CASP10: variants seen among roughly 807,000 people sequenced by gnomAD.
The protein encoded by CASP10 is caspase 10.
A neutral mutation model predicts 48.5 loss-of-function variants in CASP10; 41 were observed. The ratio of observed to expected loss-of-function variants is 0.85; its 90% CI spans 0.66 to 1.10. The LOEUF is 1.10. Among genes scored for constraint, CASP10 ranks in the 50% least tolerant of loss-of-function variants. The pLI is 0.00. For missense variants in CASP10, 614 were observed against 614.5 expected (o/e 1.00, Z 0.01); for synonymous variants, 232 against 238.4 (o/e 0.97, Z 0.25).
At chr2:201,200,339 A>G (rs1326843675) in intron 5 of CASP10, 5 of 1,011,460 alleles carry the variant, frequency 4.9e-6, no homozygotes, top group Non-Finnish European at 7.5e-6. Context: ...AGCATTTACT[A>G]TGTTGGTTGT....
chr2:201,193,472 T>C, intron 4 of CASP10: 1 of 321,872 alleles, frequency 3.1e-6, no homozygotes, highest in Middle Eastern at 1.1e-3. Flanking sequence ...CCTTTCAAAA[T>C]GCTGGGATTA....
intron 8 of CASP10, 155 bp downstream of exon 8, chr2:201,208,338 G>A (rs1945277312): frequency 2.0e-6 from 2 of 985,256 alleles, no homozygotes; most frequent in African/African-American, 1.7e-5. Flanking sequence ...GGAGTCATCA[G>A]TCTGCTAAAG....
At chr2:201,191,821 G>A (rs1944622246) in intron 3 of CASP10, among the ~76,000 whole-genome samples, 1 of 152,118 alleles carries the variant, frequency 6.6e-6, no homozygotes, top group African/African-American at 2.4e-5. Context: ...CAGGAAATCC[G>A]TTCTCAGCAC....
chr2:201,224,487 G>A (rs912071952), downstream of CASP10, among the ~76,000 whole-genome samples: 6 of 152,004 alleles, frequency 3.9e-5, no homozygotes, highest in Non-Finnish European at 8.8e-5. Context: ...ATTTTGAGTA[G>A]GTAATATTTT....
chr2:201,187,427 C>T (rs562034628), intron 2 of CASP10, among the ~76,000 whole-genome samples: 1 of 151,710 alleles, frequency 6.6e-6, no homozygotes, highest in South Asian at 2.1e-4. Flanking sequence ...GTGTTTTATG[C>T]CTTTTTTTTT....
intron 5 of CASP10, 98 bp downstream of exon 5, chr2:201,196,046 C>T (rs973388751): frequency 2.4e-5 from 19 of 780,244 alleles, no homozygotes; most frequent in South Asian, 4.3e-5. Flanking sequence ...AGAGAGGCCC[C>T]GGTTTGTACC....
chr2:201,214,181 T>C (rs769887411), intron 9 of CASP10: 6 of 152,252 alleles, frequency 3.9e-5, no homozygotes, highest in Non-Finnish European at 8.8e-5. Flanking sequence ...GTGTAATAAG[T>C]AGGGGGAGGG....
intron 9 of CASP10, among the ~76,000 whole-genome samples, chr2:201,210,481 A>G (rs1945358034): frequency 6.6e-6 from 1 of 152,078 alleles, no homozygotes; most frequent in African/African-American, 2.4e-5. Flanking sequence ...TAGCCCTTGG[A>G]CCTCACATTC....
intron 9 of CASP10, among the ~76,000 whole-genome samples, chr2:201,227,617 C>A (rs2126069656): frequency 6.6e-6 from 1 of 152,186 alleles, no homozygotes; most frequent in Admixed American, 6.5e-5. Context: ...AGTGCAGTGG[C>A]ACGATCTCGG....
intron 1 of CASP10, 141 bp from the exon 2 acceptor site, chr2:201,185,630 C>A (rs41427450): frequency 3.0e-6 from 2 of 674,358 alleles, no homozygotes; most frequent in East Asian, 2.6e-5. Context: ...GTAGCCTCGC[C>A]GTAATTTTTA....
Position 201,218,218 on chromosome 2 carries a change from G to A in CASP10, c.*477G>A, listed in dbSNP as rs1395568271. The A allele has an allele frequency of 2.0e-6, 2 of 1,011,324 alleles. No homozygotes were observed. Among genetic ancestry groups the A allele is most frequent in the Non-Finnish European group, 1.2e-6 (1 of 845,614 alleles). 62.6% of individuals were successfully genotyped at this position (1,011,324 alleles called of 1,614,324 possible). ...TTATAGGCACGAGCCACCACACCTG[G>A]CCAGAAAACTTTCATTATTGAAGAC... On this transcript the variant is annotated 3_prime_UTR_variant, in exon 10 of 10. Transcript: ENST00000286186.
chr2:201,211,655 A>G (rs2126051985), intron 9 of CASP10, among the ~76,000 whole-genome samples: 1 of 152,282 alleles, frequency 6.6e-6, no homozygotes, highest in African/African-American at 2.4e-5. Context: ...TATCTTGGCT[A>G]TTGTAAATAA....
intron 5 of CASP10, among the ~76,000 whole-genome samples, chr2:201,203,099 T>G (rs963668903): frequency 6.6e-6 from 1 of 152,162 alleles, no homozygotes; most frequent in Non-Finnish European, 1.5e-5. Flanking sequence ...CTTGGCATCT[T>G]ACTCCACTAT....
chr2:201,229,372 A>C, exon 10 of CASP10: 1 of 476,980 alleles, frequency 2.1e-6, no homozygotes, highest in Non-Finnish European at 3.8e-6. Flanking sequence ...CCATGGGGAA[A>C]AGTGAATTTC....
rs1945676157 is a variant in CASP10, at chr2:201,219,774, A to G, written c.*2033A>G. 3.1e-6 allele frequency: 3 copies of G among 982,158 alleles called. No individual in the cohort carries two copies. The highest frequency in any genetic ancestry group is 1.8e-5 in the African/African-American group (1 of 55,674). The allele number at this position is 982,158 out of a possible 1,614,324, so 60.8% of individuals were successfully genotyped here. A position where few individuals can be genotyped will look rare whatever the true frequency, so the allele number is the denominator to read the frequency against. ...GTTAATTCCTGGAACTGTATTTTGA[A>G]TCCTTAAAGGTGAGCCCTCATAGGG... On this transcript the variant is annotated 3_prime_UTR_variant, in exon 10 of 10. Transcript: ENST00000286186.
downstream of CASP10, among the ~76,000 whole-genome samples, chr2:201,222,221 T>A (rs1313956741): frequency 6.7e-4 from 33 of 49,268 alleles, no homozygotes; most frequent in Non-Finnish European, 4.2e-4. Context: ...TTATTCATTC[T>A]TTTTTTTTTT....
chr2:201,224,453 G>T (rs1020068962), downstream of CASP10, among the ~76,000 whole-genome samples: 1 of 151,978 alleles, frequency 6.6e-6, no homozygotes, highest in Non-Finnish European at 1.5e-5. Flanking sequence ...ATTTTAAATT[G>T]TACTAATTTT....
At chr2:201,207,307 G>A (rs1227255572) in intron 7 of CASP10, among the ~76,000 whole-genome samples, 1 of 152,120 alleles carries the variant, frequency 6.6e-6, no homozygotes, top group African/African-American at 2.4e-5. Flanking sequence ...ATACCCCAAG[G>A]GGTTTAGACT....
intron 4 of CASP10, 103 bp from the exon 5 acceptor site, chr2:201,195,739 G>A: frequency 2.4e-6 from 2 of 831,150 alleles, no homozygotes; most frequent in Non-Finnish European, 2.1e-6. Context: ...GTGCAGTGGG[G>A]CAATCTTGGC....
Sources: gnomAD v4.1 joint callset for allele counts (sites outside exome capture counted in the v4.1 genomes callset) on GRCh38, gnomAD v4.1.1 for gene constraint, MANE v1.5 for transcripts, NCBI Gene and HGNC (gene_info 2026-07-23, HGNC 2026-07-21) for gene names.